The following ASIC2 variants were observed in gnomAD, a reference collection of about 807,000 sequenced individuals.
ASIC2 encodes the protein acid-sensing ion channel 2.
ASIC2 carries 25 observed loss-of-function variants against 57.3 expected under a neutral mutation model. The observed-to-expected ratio is 0.44, with a 90% CI of 0.32 to 0.61. The LOEUF (loss-of-function observed/expected upper bound fraction) is 0.61. Ranked by LOEUF, ASIC2 falls within the 20% of genes least tolerant of loss-of-function variation. ASIC2 has a pLI of 0.06. For missense variants in ASIC2, 641 were observed against 738.1 expected, an observed-to-expected ratio of 0.87 and a Z score of 1.52; for synonymous variants, 319 against 307.5, an observed-to-expected ratio of 1.04 and a Z score of -0.39.
intron 1 of ASIC2, among the ~76,000 whole-genome samples, chr17:33,198,970 A>G (rs1294140094): frequency 6.6e-6 from 1 of 152,190 alleles, no homozygotes; most frequent in African/African-American, 2.4e-5. Context: ...TAACCTTGCT[A>G]TCTGTCATTA....
At chr17:33,477,942 G>A (rs1400493076) in intron 1 of ASIC2, among the ~76,000 whole-genome samples, 1 of 152,198 alleles carries the variant, frequency 6.6e-6, no homozygotes, top group South Asian at 2.1e-4. Context: ...GGTTGTGGTT[G>A]GAAAAGTAGC....
At chr17:33,776,261 G>C (rs1911275073) in intron 1 of ASIC2, among the ~76,000 whole-genome samples, 2 of 152,282 alleles carry the variant, frequency 1.3e-5, no homozygotes, top group Non-Finnish European at 2.9e-5. Flanking sequence ...GGTCCTGAGG[G>C]TGAAACCCTC....
At chr17:33,971,718 C>T (rs1196670237) in intron 1 of ASIC2, among the ~76,000 whole-genome samples, 6 of 151,984 alleles carry the variant, frequency 3.9e-5, no homozygotes, top group Admixed American at 2.6e-4. Flanking sequence ...AAAATTATAA[C>T]CCAAAAAGAT....
intron 1 of ASIC2, among the ~76,000 whole-genome samples, chr17:33,899,917 G>A (rs559261011): frequency 1.3e-5 from 2 of 152,302 alleles, no homozygotes; most frequent in South Asian, 4.1e-4. Context: ...CACAACCTCT[G>A]CAATTGTACA....
intron 1 of ASIC2, among the ~76,000 whole-genome samples, chr17:33,379,026 A>G (rs1909380689): frequency 6.6e-6 from 1 of 152,250 alleles, no homozygotes. Context: ...ATACTTTGTA[A>G]CTAAAAATTA....
intron 1 of ASIC2, chr17:33,623,977 A>G (rs919981875): frequency 6.6e-6 from 1 of 152,272 alleles, no homozygotes; most frequent in African/African-American, 2.4e-5. Flanking sequence ...CGCATTCTTC[A>G]GGCCCAGAAC....
intron 1 of ASIC2, among the ~76,000 whole-genome samples, chr17:33,751,933 C>T (rs1567706386): frequency 5.9e-4 from 2 of 3,394 alleles, no homozygotes; most frequent in Admixed American, 8.5e-3. Context: ...TTAGGGAAGC[C>T]GGGGGTGGGG....
chr17:33,447,967 A>G (rs1912092124), intron 1 of ASIC2, among the ~76,000 whole-genome samples: 1 of 150,906 alleles, frequency 6.6e-6, no homozygotes, highest in Admixed American at 6.6e-5. Flanking sequence ...GAATATCCCA[A>G]GTATACTGAT....
chr17:33,267,451 C>T (rs758857282), intron 1 of ASIC2, among the ~76,000 whole-genome samples: 10 of 152,142 alleles, frequency 6.6e-5, no homozygotes, highest in Admixed American at 1.3e-4. Flanking sequence ...AGACTGATGA[C>T]GGTAATGATT....
intron 3 of ASIC2, chr17:33,053,013 C>T (rs537535016): frequency 2.0e-5 from 3 of 152,200 alleles, no homozygotes; most frequent in Admixed American, 6.5e-5. Flanking sequence ...AGGCTGGGTC[C>T]CTGAATGGCA....
At chr17:33,765,430 C>T (rs1179229696) in intron 1 of ASIC2, among the ~76,000 whole-genome samples, 1 of 152,178 alleles carries the variant, frequency 6.6e-6, no homozygotes, top group African/African-American at 2.4e-5. Context: ...TGTAAAATAA[C>T]TTTCTTTTCC....
intron 1 of ASIC2, among the ~76,000 whole-genome samples, chr17:33,501,493 G>T (rs1462381884): frequency 6.6e-6 from 1 of 152,234 alleles, no homozygotes; most frequent in Non-Finnish European, 1.5e-5. Context: ...CTCGCTTGAA[G>T]TCACACAGCA....
At chr17:33,367,656 G>T (rs1211906370) in intron 1 of ASIC2, among the ~76,000 whole-genome samples, 3 of 152,072 alleles carry the variant, frequency 2.0e-5, no homozygotes, top group Non-Finnish European at 4.4e-5. Flanking sequence ...GCCTTCCTTT[G>T]GTTCTTCTCA....
chr17:33,063,276 T>A (rs1220255966), intron 3 of ASIC2, among the ~76,000 whole-genome samples: 4 of 152,226 alleles, frequency 2.6e-5, no homozygotes, highest in African/African-American at 4.8e-5. Context: ...TTACAATTTG[T>A]CATGTTTTTG....
Position 33,780,379 on chromosome 17 carries a change from G to T in ASIC2, c.555+375599C>A, listed in dbSNP as rs570596448. Among the ~76,000 whole-genome samples, 15 of 152,192 alleles carry T rather than the reference G, an allele frequency of 9.9e-5. No homozygotes were observed. In the East Asian group the frequency reaches 1.9e-3, roughly 20 times the overall value. ...CTTCTGAACATCTTGAACCACCAAT[G>T]CCCACCCCATTGTAGCCACAGTGTT... On this transcript the variant is annotated intron_variant, in intron 1 of 9. Transcript: ENST00000359872.
intron 1 of ASIC2, among the ~76,000 whole-genome samples, chr17:33,787,635 T>A (rs1467446648): frequency 1.3e-5 from 2 of 152,096 alleles, no homozygotes; most frequent in Non-Finnish European, 2.9e-5. Context: ...CAGCAGCATG[T>A]AGGGGAGGGT....
At chr17:33,289,328 C>A (rs904781516) in intron 1 of ASIC2, among the ~76,000 whole-genome samples, 4 of 152,210 alleles carry the variant, frequency 2.6e-5, no homozygotes, top group African/African-American at 9.6e-5. Flanking sequence ...AATTGACCCA[C>A]ACAACTCATG....
intron 1 of ASIC2, among the ~76,000 whole-genome samples, chr17:33,814,347 A>G (rs920599576): frequency 2.0e-5 from 3 of 152,168 alleles, no homozygotes; most frequent in African/African-American, 7.2e-5. Flanking sequence ...GTGTGTGACC[A>G]TGTGTGCGTG....
chr17:33,055,940 C>T (rs527976615), intron 3 of ASIC2, among the ~76,000 whole-genome samples: 41 of 152,350 alleles, frequency 2.7e-4, no homozygotes, highest in Middle Eastern at 6.8e-3. Context: ...TTATAAATCA[C>T]AGAAGCCCTG....
Sources: allele counts gnomAD v4.1 joint callset (sites outside exome capture counted in the v4.1 genomes callset), GRCh38; gene constraint gnomAD v4.1.1; transcripts MANE v1.5; gene names NCBI Gene and HGNC (gene_info 2026-07-23, HGNC 2026-07-21).